The following NYAP2 variants were observed in gnomAD, a reference collection of about 807,000 sequenced individuals.
NYAP2 encodes neuronal tyrosine-phosphorylated phosphoinositide-3-kinase adaptor 2.
NYAP2 carries 23 observed loss-of-function variants against 50.4 expected under a neutral mutation model. The observed-to-expected ratio is 0.46, with a 90% CI of 0.33 to 0.65. The LOEUF (loss-of-function observed/expected upper bound fraction) is 0.65. NYAP2 is among the 30% of genes least tolerant of loss of function. The pLI, the probability that NYAP2 is intolerant of heterozygous loss-of-function variation, is 0.02. For synonymous variants in NYAP2, 394 were observed against 365.2 expected (o/e 1.08, Z -0.90); for missense variants, 885 against 861.0 (o/e 1.03, Z -0.35).
intron 4 of NYAP2, among the ~76,000 whole-genome samples, chr2:225,556,535 A>G (rs1184648223): frequency 6.6e-6 from 1 of 152,140 alleles, no homozygotes; most frequent in Non-Finnish European, 1.5e-5. Context: ...TGAGCTCCTC[A>G]GTCATTAGTA....
intron 4 of NYAP2, among the ~76,000 whole-genome samples, chr2:225,548,669 A>G (rs1691623484): frequency 6.6e-6 from 1 of 152,166 alleles, no homozygotes; most frequent in African/African-American, 2.4e-5. Context: ...ACATCTGATA[A>G]GGAAGGGAAT....
chr2:225,462,671 G>A (rs1031473511), intron 3 of NYAP2, among the ~76,000 whole-genome samples: 2 of 152,132 alleles, frequency 1.3e-5, no homozygotes, highest in Non-Finnish European at 2.9e-5. Flanking sequence ...CTTCGCAAAT[G>A]TGAATGACCT....
chr2:225,679,093 C>T, the NYAP2 span, among the ~76,000 whole-genome samples: 1 of 151,910 alleles, frequency 6.6e-6, no homozygotes, highest in East Asian at 1.9e-4. Flanking sequence ...AGAAACTTGG[C>T]AAGTGTTGTT....
chr2:225,439,027 A>C (rs1352037442), intron 3 of NYAP2, among the ~76,000 whole-genome samples: 1 of 152,190 alleles, frequency 6.6e-6, no homozygotes, highest in Admixed American at 6.5e-5. Flanking sequence ...ATACATCTGC[A>C]TGTGAGTTGG....
chr2:225,644,856 A>G (rs1240516606), intron 6 of NYAP2, among the ~76,000 whole-genome samples: 1 of 151,962 alleles, frequency 6.6e-6, no homozygotes, highest in Non-Finnish European at 1.5e-5. Context: ...CTTGTAGTAT[A>G]GTTTGAAGTC....
chr2:225,674,141 C>CA, the NYAP2 span, among the ~76,000 whole-genome samples: 1 of 151,674 alleles, frequency 6.6e-6, no homozygotes, highest in Admixed American at 6.6e-5. Context: ...AGAGAGGAAA[C>CA]AAAAAAAGTA....
upstream of NYAP2, among the ~76,000 whole-genome samples, chr2:225,399,506 A>G (rs1694822334): frequency 6.6e-6 from 1 of 152,070 alleles, no homozygotes; most frequent in Non-Finnish European, 1.5e-5. Flanking sequence ...CATACATATC[A>G]TAATTATTTT....
chr2:225,423,830 C>A (rs1481969481), intron 3 of NYAP2, among the ~76,000 whole-genome samples: 3 of 152,072 alleles, frequency 2.0e-5, no homozygotes, highest in Non-Finnish European at 4.4e-5. Context: ...AGAAATAGTA[C>A]ATAATAGATA....
intron 3 of NYAP2, among the ~76,000 whole-genome samples, chr2:225,510,513 A>G (rs1690792135): frequency 6.6e-6 from 1 of 152,194 alleles, no homozygotes; most frequent in Non-Finnish European, 1.5e-5. Context: ...TGTTCCTAGC[A>G]AATTCAGAAA....
At chr2:225,690,520 T>C in the NYAP2 span, among the ~76,000 whole-genome samples, 1 of 152,116 alleles carries the variant, frequency 6.6e-6, no homozygotes, top group African/African-American at 2.4e-5. Context: ...ATTAAATTTA[T>C]ATTTTTCAGG....
intron 4 of NYAP2, among the ~76,000 whole-genome samples, chr2:225,527,736 C>A (rs1691178272): frequency 6.6e-6 from 1 of 152,242 alleles, no homozygotes; most frequent in Non-Finnish European, 1.5e-5. Context: ...CAGCCTCAAA[C>A]TCCTGGGCTC....
chr2:225,479,194 G>T (rs1690166331), intron 3 of NYAP2, among the ~76,000 whole-genome samples: 1 of 152,116 alleles, frequency 6.6e-6, no homozygotes, highest in African/African-American at 2.4e-5. Context: ...AGCAACATAA[G>T]CTTCTCTCTA....
intron 5 of NYAP2, among the ~76,000 whole-genome samples, chr2:225,626,575 T>G (rs1693213396): frequency 6.6e-6 from 1 of 152,194 alleles, no homozygotes; most frequent in Non-Finnish European, 1.5e-5. Context: ...TAGCGTGGTT[T>G]GGCTGAATTT....
intron 3 of NYAP2, among the ~76,000 whole-genome samples, chr2:225,432,184 A>G (rs6715795): frequency 1.5e-5 from 2 of 134,408 alleles, no homozygotes; most frequent in Non-Finnish European, 3.1e-5. Context: ...TTTAGGAGAG[A>G]CGGGGTTTCA....
the NYAP2 span, among the ~76,000 whole-genome samples, chr2:225,682,898 G>A: frequency 2.0e-5 from 3 of 152,120 alleles, no homozygotes; most frequent in African/African-American, 7.2e-5. Context: ...TACAGATGAA[G>A]TTATGTAGAC....
intron 3 of NYAP2, among the ~76,000 whole-genome samples, chr2:225,431,197 A>G (rs896484043): frequency 2.0e-5 from 3 of 152,230 alleles, no homozygotes; most frequent in African/African-American, 7.2e-5. Flanking sequence ...TATTTTTCAG[A>G]AGTTATTTCA....
the NYAP2 span, among the ~76,000 whole-genome samples, chr2:225,668,267 C>T: frequency 6.6e-6 from 1 of 152,112 alleles, no homozygotes; most frequent in Non-Finnish European, 1.5e-5. Context: ...TTTGAGTTCA[C>T]CATGCTTAGC....
chr2:225,660,784 T>G, the NYAP2 span, among the ~76,000 whole-genome samples: 2 of 152,218 alleles, frequency 1.3e-5, no homozygotes. Context: ...TATGACAAAA[T>G]CTGCTGATGA....
In NYAP2 at chr2:225,583,051, CT is replaced by C; in HGVS notation, c.1618+17del. ...CCTGCAGAGAGTAAGTGTGCAGGGCCTGCCTGAGCCCCAGAGCCCAGTGCCA... is the reference window on the plus strand; with the variant it reads ...CCTGCAGAGAGTAAGTGTGCAGGGCCGCCTGAGCCCCAGAGCCCAGTGCCA... On this transcript the variant is annotated intron_variant, in intron 5 of 6. Transcript: ENST00000636099. 6.2e-7 allele frequency: 1 copy of C among 1,602,298 alleles called. No individual in the cohort carries two copies. The highest frequency in any genetic ancestry group is 8.5e-7 in the Non-Finnish European group (1 of 1,174,178).
Sources: allele counts gnomAD v4.1 joint callset (sites outside exome capture counted in the v4.1 genomes callset), GRCh38; gene constraint gnomAD v4.1.1; transcripts MANE v1.5; gene names NCBI Gene and HGNC (gene_info 2026-07-23, HGNC 2026-07-21).